Variants in SFTPB observed in about 807,000 individuals in gnomAD.
SFTPB encodes surfactant protein B.
SFTPB carries 32 observed loss-of-function variants against 51.0 expected under a neutral mutation model. The observed-to-expected ratio is 0.63, with a 90% CI of 0.47 to 0.84. SFTPB has a LOEUF of 0.84. SFTPB is among the 40% of genes least tolerant of loss of function. SFTPB has a pLI of 0.00. For missense variants in SFTPB, 431 were observed against 491.2 expected (o/e 0.88, Z 1.16); for synonymous variants, 211 against 208.5 (o/e 1.01, Z -0.10).
Position 85,667,678 on chromosome 2 carries a change from C to A in SFTPB, c.195+1G>T. 6.2e-7 allele frequency: 1 copy of A among 1,614,234 alleles called. No homozygotes were observed. The highest frequency in any genetic ancestry group is 1.3e-5 in the African/African-American group (1 of 75,068). On this transcript the variant is annotated splice_donor_variant, in intron 2 of 10. Coordinates refer to ENST00000519937, the MANE Select transcript of SFTPB (RefSeq NM_000542.5). LOFTEE classifies it high-confidence loss of function. ...TGCCATGCATCCTTGGTGGTACTCA[C>A]GGCTCCCACATGTCCCCAGACTTCC...
chr2:85,663,271 G>A, intron 8 of SFTPB, 75 bp downstream of exon 8: 1 of 1,589,176 alleles, frequency 6.3e-7, no homozygotes. Context: ...GTCTCTGGCT[G>A]CAAAGCCTTT....
In SFTPB at chr2:85,668,131, C is replaced by T. The variant is rs1294607351; in HGVS notation, c.53G>A (p.Cys18Tyr). Residue 18 changes from cysteine to tyrosine, a missense_variant, in exon 1 of 11, where the codon TGT becomes TAT. Cys to Tyr is a radical substitution (Grantham distance 194). Transcript: ENST00000519937. ...GGGAGACTCACCAGTGCCTGGGCCA[C>T]AGAGCGTGGGCAGCAGCAGCAGCAG... ...QWLLLLLPTLCGPGTAAWTTS... is the reference protein window; with the variant it reads ...QWLLLLLPTLYGPGTAAWTTS... 3.9e-6 allele frequency: 6 copies of T among 1,551,222 alleles called. No homozygotes were observed. The highest frequency in any genetic ancestry group is 5.2e-6 in the Non-Finnish European group (6 of 1,146,818).
upstream of SFTPB, chr2:85,668,658 C>T (rs1677772776): frequency 5.7e-6 from 1 of 176,768 alleles, no homozygotes; most frequent in African/African-American, 2.4e-5. Flanking sequence ...CCAGGACACT[C>T]TCACCACCTC....
At chr2:85,661,649 TGTGACTCTGTA>T in intron 9 of SFTPB, 114 bp from the exon 10 acceptor site, 1 of 866,480 alleles carries the variant, frequency 1.2e-6, no homozygotes, top group Non-Finnish European at 1.8e-6. Flanking sequence ...GTGCTACCAG[TGTGACTCTGTA>T]GACCCCTCGG....
intron 10 of SFTPB, 34 bp downstream of exon 10, chr2:85,661,420 C>G: frequency 1.3e-6 from 2 of 1,492,856 alleles, no homozygotes; most frequent in Non-Finnish European, 1.8e-6. Flanking sequence ...GGACCTGCCC[C>G]CTTACCTCCC....
chr2:85,662,209 T>G, intron 8 of SFTPB, 100 bp from the exon 9 acceptor site: 4 of 1,540,428 alleles, frequency 2.6e-6, no homozygotes, highest in Non-Finnish European at 2.6e-6. Context: ...TAGGGCTCCC[T>G]CCCGACTCCT....
chr2:85,668,692 C>CT (rs1346281802), upstream of SFTPB: 2 of 163,930 alleles, frequency 1.2e-5, no homozygotes, highest in Non-Finnish European at 2.7e-5. Flanking sequence ...CTGGAAAAAT[C>CT]TTCTGGTTCT....
chr2:85,663,302 T>C, intron 8 of SFTPB, 44 bp downstream of exon 8: 1 of 1,603,466 alleles, frequency 6.2e-7, no homozygotes, highest in Non-Finnish European at 8.5e-7. Flanking sequence ...GCCTTCTGCC[T>C]TGAACGGGCC....
At position 85,662,122 on chromosome 2, in the gene SFTPB, A is replaced by G. The variant is rs773482740; in HGVS notation, c.1003-13T>C. On this transcript the variant is annotated splice_polypyrimidine_tract_variant and intron_variant, in intron 8 of 10. Coordinates refer to ENST00000519937, the MANE Select transcript of SFTPB (RefSeq NM_000542.5). Reference sequence around the variant, plus strand: ...CAAATTGCTTGCACTGAGGAAGGAGACACACAGCTGTGGAGGGTCCCTTTG... The same window carrying G: ...CAAATTGCTTGCACTGAGGAAGGAGGCACACAGCTGTGGAGGGTCCCTTTG... 6 of 1,594,158 alleles carry G rather than the reference A, an allele frequency of 3.8e-6. No individual in the cohort carries two copies. The East Asian group carries it at 9.0e-5, about 24-fold the overall frequency.
chr2:85,661,344 A>G (rs1677278640), intron 10 of SFTPB, 110 bp downstream of exon 10: 1 of 736,948 alleles, frequency 1.4e-6, no homozygotes, highest in African/African-American at 1.7e-5. Flanking sequence ...AGGATGGAGC[A>G]GCCGGCAGGA....
chr2:85,661,440 G>A lies in SFTPB; in HGVS notation c.*19+14C>T. 1 of 1,588,296 alleles carries A rather than the reference G, an allele frequency of 6.3e-7. No individual in the cohort carries two copies. The highest frequency in any genetic ancestry group is 8.6e-7 in the Non-Finnish European group (1 of 1,162,622). ...TGCCCCCTTACCTCCCCGCAACTGG[G>A]GGCCTGGACTCACCTGGACAGCTGA... On this transcript the variant is annotated intron_variant, in intron 10 of 10. Transcript: ENST00000519937.
At chr2:85,667,231 G>A in intron 2 of SFTPB, 54 bp from the exon 3 acceptor site, 1 of 1,326,204 alleles carries the variant, frequency 7.5e-7, no homozygotes. Context: ...GAGGCTCCCA[G>A]CTCCAATGGG....
chr2:85,667,548 TCATTTCATCTCATCC>T (rs558810268), intron 2 of SFTPB, 116 bp downstream of exon 2: 128 of 1,175,190 alleles, frequency 1.1e-4, no homozygotes, highest in South Asian at 8.1e-4. Context: ...TTATCCTATC[TCATTTCATCTCATCC>T]CATTTCATCT....
upstream of SFTPB, chr2:85,668,327 C>A (rs1340564199): frequency 8.0e-6 from 6 of 748,732 alleles, no homozygotes; most frequent in Admixed American, 2.1e-5. Context: ...CACCTTTTCC[C>A]AGCAGGAACA....
intron 8 of SFTPB, 144 bp downstream of exon 8, chr2:85,663,202 C>G: frequency 1.7e-6 from 2 of 1,168,358 alleles, no homozygotes; most frequent in Non-Finnish European, 2.5e-6. Flanking sequence ...TACAGTCCCA[C>G]CATTGTCTGC....
chr2:85,667,004 C>T (rs998679505), intron 3 of SFTPB, 102 bp downstream of exon 3: 64 of 1,139,648 alleles, frequency 5.6e-5, no homozygotes, highest in Non-Finnish European at 8.4e-5. Flanking sequence ...CCCAGGCCTC[C>T]TCCTCAGCCT....
At position 85,666,597 on chromosome 2, in the gene SFTPB, G is replaced by A. The variant is rs746194356; in HGVS notation, c.393+20C>T. 2 of 1,612,774 alleles carry A rather than the reference G, an allele frequency of 1.2e-6. No homozygotes were observed. Among genetic ancestry groups the A allele is most frequent in the Non-Finnish European group, 1.7e-6 (2 of 1,179,340 alleles). ...GGCCTGCGTGGGGAGGCAGGCAGGA[G>A]GTGAGCTTGCAGCCCTCACAGTCTG... On this transcript the variant is annotated intron_variant, in intron 4 of 10. Coordinates refer to ENST00000519937, the MANE Select transcript of SFTPB (RefSeq NM_000542.5).
At chr2:85,661,972 G>A in intron 9 of SFTPB, 57 bp downstream of exon 9, 2 of 1,522,886 alleles carry the variant, frequency 1.3e-6, no homozygotes, top group African/African-American at 1.4e-5. Flanking sequence ...GGCCCAAAGG[G>A]TGGGGGCTCT....
chr2:85,660,152 T>C, intron 10 of SFTPB, among the ~76,000 whole-genome samples: 1 of 148,122 alleles, frequency 6.8e-6, no homozygotes, highest in Non-Finnish European at 1.5e-5. Flanking sequence ...AGACGGAGTC[T>C]CACTCTGTCA....
Sources: allele counts gnomAD v4.1 joint callset (sites outside exome capture counted in the v4.1 genomes callset), GRCh38; gene constraint gnomAD v4.1.1; transcripts MANE v1.5; gene names NCBI Gene and HGNC (gene_info 2026-07-23, HGNC 2026-07-21).